Variants in ADAMTS20 observed in about 807,000 individuals in gnomAD.
ADAMTS20 encodes the protein ADAM metallopeptidase with thrombospondin type 1 motif 20, also known as A disintegrin and metalloproteinase with thrombospondin motifs 20.
In ADAMTS20, 225 loss-of-function variants were observed where a neutral mutation model predicts 260.1. That is an observed-to-expected ratio of 0.87 (90% confidence interval 0.78 to 0.97). ADAMTS20 has a LOEUF of 0.97. ADAMTS20 is among the 50% of genes least tolerant of loss of function. The pLI, the probability that ADAMTS20 is intolerant of heterozygous loss-of-function variation, is 0.00. For synonymous variants in ADAMTS20, 802 were observed against 769.5 expected (o/e 1.04, Z -0.70); for missense variants, 2,400 against 2,337.7 (o/e 1.03, Z -0.55).
chr12:43,381,367 C>T (rs1011726714), intron 31 of ADAMTS20, among the ~76,000 whole-genome samples: 3 of 152,030 alleles, frequency 2.0e-5, no homozygotes, highest in Non-Finnish European at 2.9e-5. Flanking sequence ...ATAAATTTCA[C>T]TTCATCAAAG....
chr12:43,424,981 A>C (rs530492864), intron 28 of ADAMTS20, among the ~76,000 whole-genome samples: 1 of 152,172 alleles, frequency 6.6e-6, no homozygotes. Flanking sequence ...ACAATTTATA[A>C]AGAGAATAAA....
chr12:43,359,514 A>G (rs562655892), intron 37 of ADAMTS20, among the ~76,000 whole-genome samples: 2 of 152,368 alleles, frequency 1.3e-5, no homozygotes, highest in South Asian at 2.1e-4. Flanking sequence ...TCTAAAATTT[A>G]TATAGAAAGG....
intron 2 of ADAMTS20, among the ~76,000 whole-genome samples, chr12:43,546,055 T>A (rs1943437441): frequency 6.6e-6 from 1 of 152,202 alleles, no homozygotes; most frequent in African/African-American, 2.4e-5. Flanking sequence ...CAGAATGGCA[T>A]GTGTAATAAT....
chr12:43,522,109 T>C (rs1031580580), intron 3 of ADAMTS20, among the ~76,000 whole-genome samples: 1 of 151,978 alleles, frequency 6.6e-6, no homozygotes, highest in Admixed American at 6.6e-5. Flanking sequence ...AGGAAAGAGG[T>C]TTAATTGACT....
intron 11 of ADAMTS20, among the ~76,000 whole-genome samples, chr12:43,455,316 A>G (rs887525299): frequency 2.0e-5 from 3 of 152,248 alleles, no homozygotes; most frequent in African/African-American, 7.2e-5. Context: ...TATAAATAAC[A>G]GAAATTCATT....
intron 28 of ADAMTS20, among the ~76,000 whole-genome samples, chr12:43,403,967 T>C (rs1429965403): frequency 6.6e-6 from 1 of 152,114 alleles, no homozygotes; most frequent in African/African-American, 2.4e-5. Context: ...TCCCCACGTA[T>C]TTTTCAGTGC....
At chr12:43,381,584 C>T (rs1230636808) in intron 31 of ADAMTS20, among the ~76,000 whole-genome samples, 4 of 147,946 alleles carry the variant, frequency 2.7e-5, no homozygotes, top group Admixed American at 6.8e-5. Context: ...GAGTAAGAAA[C>T]CAGCTTGGGC....
At chr12:43,508,498 T>C (rs1942876629) in intron 3 of ADAMTS20, among the ~76,000 whole-genome samples, 1 of 152,144 alleles carries the variant, frequency 6.6e-6, no homozygotes, top group Non-Finnish European at 1.5e-5. Flanking sequence ...AGAAACTTTA[T>C]AGAAATGAGT....
intron 11 of ADAMTS20, among the ~76,000 whole-genome samples, chr12:43,460,988 A>ATATATATATATATATATTTTTT: frequency 1.5e-4 from 4 of 26,394 alleles, no homozygotes; most frequent in Non-Finnish European, 2.7e-4. Flanking sequence ...ATATATATAT[A>ATATATATATATATATATTTTTT]TTTTTTTTTT....
intron 29 of ADAMTS20, among the ~76,000 whole-genome samples, chr12:43,397,907 T>C (rs987212213): frequency 6.6e-6 from 1 of 152,196 alleles, no homozygotes; most frequent in Non-Finnish European, 1.5e-5. Flanking sequence ...TTATTCAGTA[T>C]CAGTGAGGCA....
rs3036316 is a variant in ADAMTS20, at chr12:43,501,461, ACG to A, written c.867+689_867+690del. On this transcript the variant is annotated intron_variant, in intron 4 of 38. Transcript: ENST00000389420. Reference sequence around the variant, plus strand: ...ATGTCCCAGGGTGGTGGAGGGGGATACGCGCGCGCGCGCGCGCGCGCACACAC... The same window carrying A: ...ATGTCCCAGGGTGGTGGAGGGGGATACGCGCGCGCGCGCGCGCGCACACAC... Among the ~76,000 whole-genome samples the A allele has an allele frequency of 1.3e-3, 173 of 131,216 alleles. 2 individuals are homozygous for A. The highest frequency in any genetic ancestry group is 3.8e-3 in the Middle Eastern group (1 of 262). 86.1% of individuals were successfully genotyped at this position (131,216 alleles called of 152,430 possible).
intron 15 of ADAMTS20, among the ~76,000 whole-genome samples, chr12:43,444,445 C>G (rs1318437166): frequency 6.6e-6 from 1 of 151,934 alleles, no homozygotes; most frequent in Non-Finnish European, 1.5e-5. Flanking sequence ...ATCTATTCCC[C>G]AAATTTTACA....
At chr12:43,509,075 A>C (rs1942886578) in intron 3 of ADAMTS20, among the ~76,000 whole-genome samples, 1 of 152,210 alleles carries the variant, frequency 6.6e-6, no homozygotes, top group Non-Finnish European at 1.5e-5. Context: ...GTTCCTGCAA[A>C]GGACATGATC....
chr12:43,413,801 C>T (rs1433416558), intron 28 of ADAMTS20, among the ~76,000 whole-genome samples: 2 of 152,068 alleles, frequency 1.3e-5, no homozygotes, highest in African/African-American at 2.4e-5. Flanking sequence ...AATAATGAAA[C>T]TTGATTGATT....
At chr12:43,418,767 T>C (rs1941177998) in intron 28 of ADAMTS20, among the ~76,000 whole-genome samples, 1 of 152,222 alleles carries the variant, frequency 6.6e-6, no homozygotes, top group Non-Finnish European at 1.5e-5. Flanking sequence ...TGTTAAAATA[T>C]TGAACTACAG....
chr12:43,418,359 G>A (rs935843648), intron 28 of ADAMTS20, among the ~76,000 whole-genome samples: 2 of 152,120 alleles, frequency 1.3e-5, no homozygotes, highest in African/African-American at 4.8e-5. Flanking sequence ...CGCCAGGCTG[G>A]AGTGCAATGG....
chr12:43,359,355 CTGGT>C (rs2137182491), intron 37 of ADAMTS20, among the ~76,000 whole-genome samples: 1 of 152,296 alleles, frequency 6.6e-6, no homozygotes, highest in Non-Finnish European at 1.5e-5. Context: ...CTTGGATTGA[CTGGT>C]TGGTTCATGT....
chr12:43,463,958 T>C (rs1437636095), intron 10 of ADAMTS20, among the ~76,000 whole-genome samples: 1 of 152,072 alleles, frequency 6.6e-6, no homozygotes, highest in East Asian at 1.9e-4. Flanking sequence ...CATGGAAAAG[T>C]AAAGCATGGA....
intron 37 of ADAMTS20, among the ~76,000 whole-genome samples, chr12:43,368,634 A>G (rs1940037929): frequency 6.6e-6 from 1 of 152,066 alleles, no homozygotes; most frequent in Admixed American, 6.5e-5. Flanking sequence ...CATATATTCA[A>G]TTAGCAATGA....
Sources: allele counts gnomAD v4.1 joint callset (sites outside exome capture counted in the v4.1 genomes callset), GRCh38; gene constraint gnomAD v4.1.1; transcripts MANE v1.5; gene names NCBI Gene and HGNC (gene_info 2026-07-23, HGNC 2026-07-21).